Variants in OTOP3 observed in about 807,000 individuals in gnomAD.
The protein encoded by OTOP3 is otopetrin 3, also known as proton channel OTOP3.
Under a neutral mutation model 50.8 loss-of-function variants are expected in OTOP3, and 41 were observed. That is an observed-to-expected ratio of 0.81 (90% CI 0.63 to 1.05). The LOEUF (loss-of-function observed/expected upper bound fraction) is 1.05, where lower values mean the gene tolerates loss of function less well. OTOP3 is among the 50% of genes least tolerant of loss of function. OTOP3 has a pLI of 0.00. For missense variants in OTOP3, 788 were observed against 760.8 expected (o/e 1.04, Z -0.42); for synonymous variants, 320 against 324.4 (o/e 0.99, Z 0.14).
chr17:74,943,596 T>A lies in OTOP3; in HGVS notation c.633-10T>A. On this transcript the variant is annotated splice_polypyrimidine_tract_variant and intron_variant, in intron 4 of 6. Transcript: ENST00000328801. Reference sequence around the variant, plus strand: ...CAGGGTGTGTGAGAAGAGTGTGGCATTTCCCCCAGGTGTGGCCTGATGCTG... The same window carrying A: ...CAGGGTGTGTGAGAAGAGTGTGGCAATTCCCCCAGGTGTGGCCTGATGCTG... The A allele has an allele frequency of 6.2e-7, 1 of 1,613,010 alleles. No homozygotes were observed. Among genetic ancestry groups the A allele is most frequent in the Non-Finnish European group, 8.5e-7 (1 of 1,179,368 alleles).
In OTOP3 at chr17:74,941,949, G is replaced by A. The variant is rs200244975; in HGVS notation, c.485G>A (p.Arg162Gln). The change falls in exon 3 of 7, where the codon CGA becomes CAA. Residue 162 changes from arginine (R) to glutamine (Q), a missense_variant. Coordinates refer to ENST00000328801, the MANE Select transcript of OTOP3 (RefSeq NM_001272005.2). Reference sequence around the variant, plus strand: ...TGCACCTTCTGCCTCAACATCTTCCGAGTGGGCTACGATGTGAGCCACATC... The same window carrying A: ...TGCACCTTCTGCCTCAACATCTTCCAAGTGGGCTACGATGTGAGCCACATC... The part of the protein sequence containing the change: ...GSCTFCLNIF[R>Q]VGYDVSHIRC... 84 of 1,613,060 alleles carry A rather than the reference G, an allele frequency of 5.2e-5. No individual in the cohort carries two copies. Among genetic ancestry groups the A allele is most frequent in the East Asian group, 4.5e-5 (2 of 44,874 alleles).
At position 74,941,493 on chromosome 17, in the gene OTOP3, G is replaced by A. The variant is rs368672065; in HGVS notation, c.120G>A (p.Ala40=). The change falls in exon 2 of 7, where the codon GCG becomes GCA. Residue 40 remains alanine (A), a synonymous_variant. Transcript: ENST00000328801. ...NRVDVGAEER[A]AATRPRQKSW... is the part of the protein sequence containing the mutation. ...TGGATGTGGGGGCCGAGGAGAGAGC[G>A]GCCGCCACCCGGCCCCGGCAGAAGT... 1.0e-4 allele frequency: 168 copies of A among 1,612,616 alleles called. 1 individual carries two copies. Among genetic ancestry groups the A allele is most frequent in the South Asian group, 1.3e-4 (12 of 90,920 alleles).
At chr17:74,945,042 G>T (rs1047203982) in intron 5 of OTOP3, among the ~76,000 whole-genome samples, 1 of 151,780 alleles carries the variant, frequency 6.6e-6, no homozygotes, top group Non-Finnish European at 1.5e-5. Flanking sequence ...CAAACTTCTG[G>T]GCTCAAGCGA....
intron 5 of OTOP3, 35 bp downstream of exon 5, chr17:74,943,759 A>C (rs1001238217): frequency 9.5e-5 from 93 of 982,556 alleles, no homozygotes; most frequent in Non-Finnish European, 1.4e-4. Flanking sequence ...CTTGCCCTGA[A>C]ACACACACAC....
At chr17:74,937,469 G>A (rs1483382040) in intron 1 of OTOP3, among the ~76,000 whole-genome samples, 1 of 152,178 alleles carries the variant, frequency 6.6e-6, no homozygotes, top group African/African-American at 2.4e-5. Flanking sequence ...CTGGAGGAGA[G>A]GGTGCAGGTT....
chr17:74,945,329 C>T (rs1177105211), intron 5 of OTOP3, among the ~76,000 whole-genome samples: 3 of 152,168 alleles, frequency 2.0e-5, no homozygotes, highest in African/African-American at 2.4e-5. Context: ...TAACAAAATC[C>T]TTTAGCTTCA....
chr17:74,949,373 T>G lies in OTOP3; in HGVS notation c.1694T>G (p.Met565Arg). 4 of 1,613,876 alleles carry G rather than the reference T, an allele frequency of 2.5e-6. No individual in the cohort carries two copies. The highest frequency in any genetic ancestry group is 1.7e-6 in the Non-Finnish European group (2 of 1,179,960). The change falls in exon 7 of 7, where the codon ATG becomes AGG. Residue 565 changes from methionine (M) to arginine (R), a missense_variant. Transcript: ENST00000328801. ...FGLPLGVFYR[M>R]HSVGGLVEVY... ...CTGCCTCTGGGGGTCTTCTACCGCATGCACTCTGTGGGAGGCCTGGTGGAG... is the reference window on the plus strand; with the variant it reads ...CTGCCTCTGGGGGTCTTCTACCGCAGGCACTCTGTGGGAGGCCTGGTGGAG...
rs946875663 is a variant in OTOP3 at position 74,941,495 on chromosome 17, C to T, written c.122C>T (p.Ala41Val). 9 of 1,612,630 alleles carry T rather than the reference C, an allele frequency of 5.6e-6. 1 individual carries two copies. The African/African-American group carries it at 6.7e-5, about 12-fold the overall frequency. The change falls in exon 2 of 7, where the codon GCC becomes GTC. Residue 41 changes from alanine (A) to valine (V), a missense_variant. By Grantham distance (64) the Ala-to-Val change is moderately conservative. Coordinates refer to ENST00000328801, the MANE Select transcript of OTOP3 (RefSeq NM_001272005.2). ...GATGTGGGGGCCGAGGAGAGAGCGG[C>T]CGCCACCCGGCCCCGGCAGAAGTCC... ...RVDVGAEERA[A>V]ATRPRQKSWL...
chr17:74,942,322 T>C (rs1185443359), intron 3 of OTOP3, among the ~76,000 whole-genome samples: 1 of 152,236 alleles, frequency 6.6e-6, no homozygotes, highest in Non-Finnish European at 1.5e-5. Flanking sequence ...CCTACATGTA[T>C]AAACCTTCTC....
chr17:74,938,071 G>A lies in OTOP3; in HGVS notation c.19+2131G>A, dbSNP rs141485991. ...GAGTACGGCAGGGGTGGTGGGACAG[G>A]GAGGAGACAGAACTTAGGCAAGGAT... On this transcript the variant is annotated intron_variant, in intron 1 of 6. Coordinates refer to ENST00000328801, the MANE Select transcript of OTOP3 (RefSeq NM_001272005.2). Among the ~76,000 whole-genome samples, 703 of 152,266 alleles carry A rather than the reference G, an allele frequency of 4.6e-3. 2 individuals are homozygous for A. The highest frequency in any genetic ancestry group is 0.011 in the African/African-American group (450 of 41,548).
Position 74,941,826 on chromosome 17 carries a change from TG to T in OTOP3, c.436+23del. 4 of 1,213,740 alleles carry T rather than the reference TG, an allele frequency of 3.3e-6. No homozygotes were observed. Among genetic ancestry groups the T allele is most frequent in the Non-Finnish European group, 2.3e-6 (2 of 861,048 alleles). 75.2% of individuals were successfully genotyped at this position (1,213,740 alleles called of 1,614,324 possible). A position where few individuals can be genotyped will look rare whatever the true frequency, so the allele number is the denominator to read the frequency against. On this transcript the variant is annotated intron_variant, in intron 2 of 6. Transcript: ENST00000328801. ...GGGTGCGGGGTGAGTGTCAGGTTGCTGGGGGGCTGGGCAGGGGTGGGGAGGG... is the reference window on the plus strand; with the variant it reads ...GGGTGCGGGGTGAGTGTCAGGTTGCTGGGGGCTGGGCAGGGGTGGGGAGGG...
chr17:74,947,653 GCT>G (rs549610056), intron 6 of OTOP3, among the ~76,000 whole-genome samples, 178 bp downstream of exon 6: 11 of 152,216 alleles, frequency 7.2e-5, no homozygotes, highest in Non-Finnish European at 1.2e-4. Context: ...CAAGCACTTG[GCT>G]AAGTGCTCTT....
At chr17:74,946,419 A>G (rs1322484806) in intron 5 of OTOP3, among the ~76,000 whole-genome samples, 1 of 152,212 alleles carries the variant, frequency 6.6e-6, no homozygotes, top group Admixed American at 6.5e-5. Context: ...GGCTGGCATC[A>G]TGTTTTTAAT....
At position 74,949,460 on chromosome 17, in the gene OTOP3, A is replaced by C. The variant is rs201523528; in HGVS notation, c.*44A>C. 139 of 1,600,772 alleles carry C rather than the reference A, an allele frequency of 8.7e-5. No individual in the cohort carries two copies. Among genetic ancestry groups the C allele is most frequent in the Non-Finnish European group, 1.1e-4 (133 of 1,173,350 alleles). On this transcript the variant is annotated 3_prime_UTR_variant, in exon 7 of 7. Coordinates refer to ENST00000328801, the MANE Select transcript of OTOP3 (RefSeq NM_001272005.2). ...GAACCTCGAAGTGCCAAGGTGGGGA[A>C]GATGGTAGCCCAGAGTCTCTGAGCA...
chr17:74,949,667 G>A lies in OTOP3; in HGVS notation c.*251G>A, dbSNP rs1273000076. ...TGCCTGCCCCCTGCCTTCCCACCAC[G>A]ATCCGCAAGCCAAGGGTGCACCCCA... is the stretch of plus-strand genomic sequence containing the variant. On this transcript the variant is annotated 3_prime_UTR_variant, in exon 7 of 7. Coordinates refer to ENST00000328801, the MANE Select transcript of OTOP3 (RefSeq NM_001272005.2). 2.2e-5 allele frequency: 11 copies of A among 490,740 alleles called. No homozygotes were observed. Among genetic ancestry groups the A allele is most frequent in the Admixed American group, 3.7e-5 (1 of 26,968 alleles). 30.4% of individuals were successfully genotyped at this position (490,740 alleles called of 1,614,324 possible).
At chr17:74,944,290 C>CTT (rs2039205761) in intron 5 of OTOP3, among the ~76,000 whole-genome samples, 4 of 152,142 alleles carry the variant, frequency 2.6e-5, no homozygotes. Context: ...GTGGCATCAC[C>CTT]ATCACGCCCT....
At chr17:74,943,752 G>A in intron 5 of OTOP3, 28 bp downstream of exon 5, 1 of 1,413,758 alleles carries the variant, frequency 7.1e-7, no homozygotes. Flanking sequence ...GGTCTTCCTT[G>A]CCCTGAAACA....
intron 5 of OTOP3, among the ~76,000 whole-genome samples, chr17:74,945,798 T>C (rs1464272482): frequency 6.6e-6 from 1 of 151,980 alleles, no homozygotes; most frequent in Non-Finnish European, 1.5e-5. Flanking sequence ...CGGTTTTTGG[T>C]TTATTTGAGA....
intron 4 of OTOP3, 88 bp from the exon 5 acceptor site, chr17:74,943,518 G>C (rs2039197053): frequency 1.4e-6 from 2 of 1,409,960 alleles, no homozygotes; most frequent in African/African-American, 2.8e-5. Flanking sequence ...TTGGGAGTGA[G>C]TGGTTGCCCC....
Sources: allele counts gnomAD v4.1 joint callset (sites outside exome capture counted in the v4.1 genomes callset), GRCh38; gene constraint gnomAD v4.1.1; transcripts MANE v1.5; gene names NCBI Gene and HGNC (gene_info 2026-07-23, HGNC 2026-07-21).